Variants in COBL observed in about 807,000 individuals in gnomAD.
COBL encodes the protein protein cordon-bleu.
A neutral mutation model predicts 98.8 loss-of-function variants in COBL; 51 were observed. That is an observed-to-expected ratio of 0.52 (90% CI 0.41 to 0.65). The LOEUF is 0.65. COBL is among the 30% of genes least tolerant of loss of function. The pLI is 0.00. For missense variants in COBL, 1,617 were observed against 1,617.5 expected, an observed-to-expected ratio of 1.00 and a Z score of 0.01; for synonymous variants, 634 against 651.7, an observed-to-expected ratio of 0.97 and a Z score of 0.41.
At chr7:51,065,665 GA>G (rs1791850421) in intron 7 of COBL, among the ~76,000 whole-genome samples, 1 of 152,242 alleles carries the variant, frequency 6.6e-6, no homozygotes, top group Non-Finnish European at 1.5e-5. Flanking sequence ...GGGTACAACA[GA>G]AGCTCTCCAG....
chr7:51,211,329 T>TG (rs1563044072), intron 2 of COBL, among the ~76,000 whole-genome samples: 2 of 152,236 alleles, frequency 1.3e-5, no homozygotes, highest in Non-Finnish European at 2.9e-5. Context: ...CTGGTACCAC[T>TG]GCTCACTGCC....
intron 1 of COBL, among the ~76,000 whole-genome samples, chr7:51,302,824 T>C (rs956448292): frequency 6.6e-6 from 1 of 152,172 alleles, no homozygotes; most frequent in African/African-American, 2.4e-5. Context: ...TCGCTGATAA[T>C]AAATTACCAT....
chr7:51,122,060 GGCGA>G (rs1395297780), intron 6 of COBL, among the ~76,000 whole-genome samples: 1 of 152,192 alleles, frequency 6.6e-6, no homozygotes, highest in Non-Finnish European at 1.5e-5. Flanking sequence ...GCAGGAGAGT[GGCGA>G]GCTCACCTTT....
At chr7:51,022,372 G>A (rs924383435) in intron 12 of COBL, among the ~76,000 whole-genome samples, 4 of 152,300 alleles carry the variant, frequency 2.6e-5, no homozygotes, top group Admixed American at 6.5e-5. Flanking sequence ...GAGACTGTGC[G>A]AGAAACACAA....
At chr7:51,310,904 C>T (rs549051446) in intron 1 of COBL, among the ~76,000 whole-genome samples, 1 of 152,136 alleles carries the variant, frequency 6.6e-6, no homozygotes, top group East Asian at 1.9e-4. Context: ...GATCAACCCA[C>T]CTCGGCCTCC....
intron 6 of COBL, 45 bp from the exon 7 acceptor site, chr7:51,085,349 C>T: frequency 2.1e-6 from 1 of 484,430 alleles, no homozygotes; most frequent in Non-Finnish European, 2.7e-6. Context: ...TACTTTGTAC[C>T]TATGAAGTAC....
At chr7:51,113,526 A>ATTAG (rs1188393938) in intron 6 of COBL, among the ~76,000 whole-genome samples, 3 of 152,170 alleles carry the variant, frequency 2.0e-5, no homozygotes, top group African/African-American at 7.2e-5. Flanking sequence ...ACGGCTTAAA[A>ATTAG]TTACTAAAGT....
intron 2 of COBL, among the ~76,000 whole-genome samples, chr7:51,212,844 A>C (rs2129079332): frequency 6.6e-6 from 1 of 152,228 alleles, no homozygotes; most frequent in South Asian, 2.1e-4. Flanking sequence ...AAGGGCTGGG[A>C]ATTTGCATTT....
intron 12 of COBL, among the ~76,000 whole-genome samples, chr7:51,018,896 AAAAAAAAAAATATAT>A (rs1562795500): frequency 1.2e-4 from 6 of 51,160 alleles, no homozygotes; most frequent in African/African-American, 4.8e-4. Flanking sequence ...CATCTCAAAA[AAAAAAAAAAATATAT>A]ATATATATAT....
intron 1 of COBL, among the ~76,000 whole-genome samples, chr7:51,247,758 C>G (rs967800784): frequency 2.6e-5 from 4 of 152,320 alleles, no homozygotes; most frequent in East Asian, 3.9e-4. Context: ...TATCCTAAGG[C>G]AGACCAATCA....
chr7:51,048,262 C>T (rs11762760), intron 7 of COBL, among the ~76,000 whole-genome samples: 47,206 of 151,976 alleles, frequency 0.31, 8,052 homozygotes, highest in East Asian at 0.45. Flanking sequence ...TCATTGACGT[C>T]TGAAAATTTC....
intron 7 of COBL, among the ~76,000 whole-genome samples, chr7:51,063,549 C>G (rs1791597129): frequency 6.6e-6 from 1 of 152,188 alleles, no homozygotes; most frequent in South Asian, 2.1e-4. Context: ...AATCAGGGAA[C>G]CTGCACTGAT....
At chr7:51,112,156 A>G (rs563734501) in intron 6 of COBL, among the ~76,000 whole-genome samples, 5 of 152,244 alleles carry the variant, frequency 3.3e-5, no homozygotes, top group Non-Finnish European at 5.9e-5. Flanking sequence ...TTGCAAAAGC[A>G]TAAGAGAGGA....
intron 5 of COBL, among the ~76,000 whole-genome samples, chr7:51,140,350 T>C (rs970681850): frequency 6.6e-6 from 1 of 152,044 alleles, no homozygotes; most frequent in African/African-American, 2.4e-5. Flanking sequence ...ACTCCTTACA[T>C]TCAGTGTAAA....
intron 1 of COBL, among the ~76,000 whole-genome samples, chr7:51,240,395 T>C (rs1245605679): frequency 6.6e-6 from 1 of 152,186 alleles, no homozygotes; most frequent in Non-Finnish European, 1.5e-5. Context: ...TAAGTGAAAA[T>C]ATCCATCAAC....
chr7:51,145,376 C>CTT (rs369572448), intron 5 of COBL, among the ~76,000 whole-genome samples: 27 of 137,692 alleles, frequency 2.0e-4, no homozygotes, highest in African/African-American at 7.0e-4. Flanking sequence ...TATTCCTTTT[C>CTT]TTTTTTTTTT....
At chr7:51,088,264 A>T (rs1172202383) in intron 6 of COBL, among the ~76,000 whole-genome samples, 1 of 151,952 alleles carries the variant, frequency 6.6e-6, no homozygotes, top group Admixed American at 6.6e-5. Context: ...CTGGGATTTC[A>T]ATTAATTCAA....
rs183864047 is a variant in COBL at position 51,073,389 on chromosome 7, C to T, written c.1096+11777G>A. 2.4e-4 allele frequency: 165 copies of T among 678,854 alleles called. 1 individual carries two copies. In the East Asian group the frequency reaches 2.9e-3, roughly 12 times the overall value. 42.1% of individuals were successfully genotyped at this position (678,854 alleles called of 1,614,324 possible). Reference sequence around the variant, plus strand: ...GGGAATGACGCACAGCAATAAACTGCGGGGGGAAAATAAATGGCAAAATGT... The same window carrying T: ...GGGAATGACGCACAGCAATAAACTGTGGGGGGAAAATAAATGGCAAAATGT... On this transcript the variant is annotated intron_variant, in intron 7 of 12. Coordinates refer to ENST00000265136, the MANE Select transcript of COBL (RefSeq NM_015198.5).
rs908836012 is a variant in COBL at position 51,136,046 on chromosome 7, C to T, written c.957+112G>A. 9 of 1,339,368 alleles carry T rather than the reference C, an allele frequency of 6.7e-6. No individual in the cohort carries two copies. The South Asian group carries it at 1.3e-4, about 20-fold the overall frequency. 83.0% of individuals were successfully genotyped at this position (1,339,368 alleles called of 1,614,324 possible). On this transcript the variant is annotated intron_variant, in intron 6 of 12. Coordinates refer to ENST00000265136, the MANE Select transcript of COBL (RefSeq NM_015198.5). ...GCTTAAATACTTGCCCCCAACACTC[C>T]AGTCGCTACAGCCACAAACATGAAG...
Sources: allele counts gnomAD v4.1 joint callset (sites outside exome capture counted in the v4.1 genomes callset), GRCh38; gene constraint gnomAD v4.1.1; transcripts MANE v1.5; gene names NCBI Gene and HGNC (gene_info 2026-07-23, HGNC 2026-07-21).